MAGI1: variants seen among roughly 807,000 people sequenced by gnomAD.
MAGI1 encodes the protein membrane-associated guanylate kinase, WW and PDZ domain-containing protein 1.
A neutral mutation model predicts 139.9 loss-of-function variants in MAGI1; 58 were observed. That is an observed-to-expected ratio of 0.41 (90% CI 0.34 to 0.52). The LOEUF (loss-of-function observed/expected upper bound fraction) is 0.52. Among genes scored for constraint, MAGI1 ranks in the 20% least tolerant of loss-of-function variants. The pLI is 0.12. For synonymous variants in MAGI1, 812 were observed against 737.9 expected (o/e 1.10, Z -1.63); for missense variants, 1,874 against 1,901.6 (o/e 0.99, Z 0.27).
chr3:65,558,741 A>G (rs1343353585), intron 2 of MAGI1, among the ~76,000 whole-genome samples: 2 of 152,312 alleles, frequency 1.3e-5, no homozygotes, highest in East Asian at 1.9e-4. Context: ...CTACCGAATC[A>G]GAATTTCCAG....
chr3:65,611,435 C>T (rs976503450), intron 2 of MAGI1, among the ~76,000 whole-genome samples: 11 of 143,570 alleles, frequency 7.7e-5, no homozygotes, highest in African/African-American at 2.8e-4. Context: ...ACTGTATATA[C>T]AGTATATATA....
intron 8 of MAGI1, 102 bp downstream of exon 8, chr3:65,442,690 A>T: frequency 2.8e-6 from 2 of 705,196 alleles, no homozygotes; most frequent in Non-Finnish European, 4.8e-6. Flanking sequence ...TAATATTGTT[A>T]ATTGGTTTGT....
intron 14 of MAGI1, chr3:65,387,330 A>T: frequency 1.3e-6 from 1 of 787,110 alleles, no homozygotes; most frequent in Non-Finnish European, 2.1e-6. Context: ...TTCAGCTTTC[A>T]CAATAAAGGT....
At chr3:65,469,825 A>G (rs1277796295) in intron 5 of MAGI1, 5 of 151,012 alleles carry the variant, frequency 3.3e-5, no homozygotes, top group Admixed American at 6.6e-5. Flanking sequence ...AATTATATCC[A>G]GAATATATGA....
At chr3:66,035,717 C>G (rs937513097) in intron 1 of MAGI1, among the ~76,000 whole-genome samples, 1 of 152,166 alleles carries the variant, frequency 6.6e-6, no homozygotes, top group Non-Finnish European at 1.5e-5. Flanking sequence ...CACACACACA[C>G]AGAAACATAC....
intron 3 of MAGI1, among the ~76,000 whole-genome samples, chr3:65,486,331 AG>A (rs1330230565): frequency 6.6e-6 from 1 of 152,232 alleles, no homozygotes; most frequent in Non-Finnish European, 1.5e-5. Flanking sequence ...GTGTATAATC[AG>A]CCTCTTCTAC....
chr3:65,692,325 A>G (rs2088750112), intron 1 of MAGI1, among the ~76,000 whole-genome samples: 1 of 152,192 alleles, frequency 6.6e-6, no homozygotes, highest in Non-Finnish European at 1.5e-5. Flanking sequence ...TTCATTTAGC[A>G]GATATTTGCT....
At chr3:66,034,572 G>A (rs761000501) in intron 1 of MAGI1, among the ~76,000 whole-genome samples, 18 of 152,270 alleles carry the variant, frequency 1.2e-4, no homozygotes, top group South Asian at 2.1e-4. Flanking sequence ...ATACTAGGAC[G>A]GCTAAAATTC....
intron 1 of MAGI1, among the ~76,000 whole-genome samples, chr3:65,671,805 C>A (rs928578558): frequency 6.6e-6 from 1 of 152,140 alleles, no homozygotes; most frequent in Admixed American, 6.6e-5. Flanking sequence ...CCCATCACTT[C>A]CCTCCTTGAC....
chr3:65,519,232 G>A (rs1190398309), intron 2 of MAGI1, among the ~76,000 whole-genome samples: 1 of 151,844 alleles, frequency 6.6e-6, no homozygotes. Context: ...AGACAATGAG[G>A]ACTTGACAAC....
At chr3:65,372,380 A>G (rs1446056942) in intron 18 of MAGI1, among the ~76,000 whole-genome samples, 2 of 152,306 alleles carry the variant, frequency 1.3e-5, no homozygotes, top group Non-Finnish European at 1.5e-5. Context: ...AAAATACTCA[A>G]TAAACCACAG....
At chr3:65,644,220 A>G (rs2085133946) in intron 1 of MAGI1, among the ~76,000 whole-genome samples, 1 of 152,154 alleles carries the variant, frequency 6.6e-6, no homozygotes, top group Non-Finnish European at 1.5e-5. Flanking sequence ...ATAACATAAT[A>G]TGCAAAATGT....
intron 1 of MAGI1, among the ~76,000 whole-genome samples, chr3:65,987,734 T>C (rs2065953412): frequency 1.3e-5 from 1 of 75,056 alleles, no homozygotes; most frequent in South Asian, 3.5e-4. Flanking sequence ...CATGCCCAGC[T>C]AATTTTGCAT....
chr3:65,939,615 T>C (rs968733713), intron 1 of MAGI1, among the ~76,000 whole-genome samples: 1 of 152,170 alleles, frequency 6.6e-6, no homozygotes, highest in Non-Finnish European at 1.5e-5. Flanking sequence ...AGGAGTGTCA[T>C]AGGCTATATA....
At chr3:65,478,483 A>G in intron 4 of MAGI1, 109 bp downstream of exon 4, 1 of 1,048,552 alleles carries the variant, frequency 9.5e-7, no homozygotes, top group East Asian at 2.4e-5. Context: ...AATTTTGGCG[A>G]CTCTACAAAA....
At chr3:65,403,202 C>G (rs930380238) in intron 12 of MAGI1, among the ~76,000 whole-genome samples, 1 of 152,096 alleles carries the variant, frequency 6.6e-6, no homozygotes, top group African/African-American at 2.4e-5. Context: ...TGTTTAAAAG[C>G]CTCCTACCTG....
At chr3:65,860,103 T>G (rs1559951712) in intron 1 of MAGI1, among the ~76,000 whole-genome samples, 1 of 151,956 alleles carries the variant, frequency 6.6e-6, no homozygotes, top group Non-Finnish European at 1.5e-5. Context: ...TTCATGTTGG[T>G]CAGACTGGTG....
chr3:65,470,515 GAGAGAGAGA>G, intron 4 of MAGI1, 31 bp from the exon 5 acceptor site: 1 of 1,369,020 alleles, frequency 7.3e-7, no homozygotes, highest in Non-Finnish European at 9.9e-7. Context: ...GTGAGAGAGA[GAGAGAGAGA>G]AAAAAAAAAA....
Position 65,766,184 on chromosome 3 carries a change from C to CA in MAGI1, c.314-144097dup, listed in dbSNP as rs567624817. Reference sequence around the variant, plus strand: ...AGGCACAAGTCAACAAACTAATCTTCAAAAAAACTTCATTTGGGTAAAGTG... The same window carrying CA: ...AGGCACAAGTCAACAAACTAATCTTCAAAAAAAACTTCATTTGGGTAAAGTG... On this transcript the variant is annotated intron_variant, in intron 1 of 22. Transcript: ENST00000402939. Among the ~76,000 whole-genome samples, 225 of 152,212 alleles carry CA rather than the reference C, an allele frequency of 1.5e-3. 2 individuals carry two copies. Among genetic ancestry groups the CA allele is most frequent in the African/African-American group, 5.2e-3 (215 of 41,560 alleles).
Sources: allele counts gnomAD v4.1 joint callset (sites outside exome capture counted in the v4.1 genomes callset), GRCh38; gene constraint gnomAD v4.1.1; transcripts MANE v1.5; gene names NCBI Gene and HGNC (gene_info 2026-07-23, HGNC 2026-07-21).